The following LIMS1 variants were observed in gnomAD, a reference collection of about 807,000 sequenced individuals.
The protein encoded by LIMS1 is LIM zinc finger domain containing 1, also known as LIM and senescent cell antigen-like-containing domain protein 1.
LIMS1 carries 18 observed loss-of-function variants against 44.1 expected under a neutral mutation model. The observed-to-expected ratio is 0.41, with a 90% CI of 0.28 to 0.61. The LOEUF (loss-of-function observed/expected upper bound fraction) is 0.61. Among genes scored for constraint, LIMS1 ranks in the 20% least tolerant of loss-of-function variants. The pLI is 0.32. For synonymous variants in LIMS1, 93 were observed against 149.1 expected (o/e 0.62, Z 2.74); for missense variants, 201 against 422.0 (o/e 0.48, Z 4.59).
chr2:108,642,224 G>C (rs1279143054), intron 1 of LIMS1, among the ~76,000 whole-genome samples: 11 of 151,906 alleles, frequency 7.2e-5, no homozygotes, highest in Admixed American at 7.2e-4. Context: ...CTGTATTTTA[G>C]AGGCAATTGG....
At chr2:108,545,348 T>A (rs1558781224) in intron 1 of LIMS1, among the ~76,000 whole-genome samples, 1 of 152,084 alleles carries the variant, frequency 6.6e-6, no homozygotes, top group African/African-American at 2.4e-5. Flanking sequence ...ATTCTCCTGC[T>A]TCAGCCTCCC....
intron 1 of LIMS1, among the ~76,000 whole-genome samples, chr2:108,586,559 G>T (rs3806528): frequency 0.069 from 10,470 of 152,264 alleles, 478 homozygotes; most frequent in Non-Finnish European, 0.078. Context: ...CTTCAAGCAT[G>T]GTACGTCCTT....
intron 1 of LIMS1, chr2:108,654,956 C>G (rs1347833201): frequency 6.6e-7 from 1 of 1,513,546 alleles, no homozygotes; most frequent in Admixed American, 2.2e-5. Flanking sequence ...GCCAGGCTGA[C>G]GTGCGTGGGA....
At chr2:108,651,406 C>G (rs1690475791) in intron 1 of LIMS1, among the ~76,000 whole-genome samples, 1 of 152,224 alleles carries the variant, frequency 6.6e-6, no homozygotes, top group Non-Finnish European at 1.5e-5. Context: ...CTCCCAACTC[C>G]CAGTAGGATA....
chr2:108,654,140 G>A (rs1369901389), intron 1 of LIMS1, among the ~76,000 whole-genome samples: 1 of 151,570 alleles, frequency 6.6e-6, no homozygotes, highest in Non-Finnish European at 1.5e-5. Flanking sequence ...TAAAACAGGA[G>A]GCAAGTTTGC....
chr2:108,550,495 T>C (rs1225826107), intron 1 of LIMS1, among the ~76,000 whole-genome samples: 1 of 146,862 alleles, frequency 6.8e-6, no homozygotes, highest in Non-Finnish European at 1.5e-5. Flanking sequence ...CGAGACTCCA[T>C]CTCAAAAAAA....
Position 108,625,457 on chromosome 2 carries a change from T to C in LIMS1, c.33-34148T>C, listed in dbSNP as rs1403565876. 3.9e-5 allele frequency among the ~76,000 whole-genome samples: 6 copies of C among 152,264 alleles called. No individual in the cohort carries two copies. The East Asian group carries it at 1.2e-3, about 29-fold the overall frequency. ...GTGCTGAGATAAGAACTCCTAGAGC[T>C]TTCCCTTTTCCCTGTTCCTTCGGCC... On this transcript the variant is annotated intron_variant, in intron 1 of 9. Coordinates refer to ENST00000544547, the Ensembl canonical transcript of LIMS1.
intron 2 of LIMS1, chr2:108,662,348 T>A: frequency 6.2e-7 from 1 of 1,608,642 alleles, no homozygotes; most frequent in Non-Finnish European, 8.5e-7. Flanking sequence ...AGGGAAAAGC[T>A]CAGAACAGCC....
chr2:108,642,194 G>A (rs528986512), intron 1 of LIMS1, among the ~76,000 whole-genome samples: 2 of 152,142 alleles, frequency 1.3e-5, no homozygotes, highest in Non-Finnish European at 2.9e-5. Context: ...TAAGCACTCC[G>A]CTTTTTCTAT....
intron 1 of LIMS1, among the ~76,000 whole-genome samples, chr2:108,536,817 C>G (rs1477180608): frequency 6.6e-6 from 1 of 152,134 alleles, no homozygotes; most frequent in African/African-American, 2.4e-5. Flanking sequence ...TCCCAAACTC[C>G]TGGGTTCCAG....
chr2:108,534,310 G>GCGCCCTTCGGCGCCCGCCCCGCCAGTCCC (rs1684034092), upstream of LIMS1: 2 of 145,678 alleles, frequency 1.4e-5, no homozygotes, highest in Non-Finnish European at 2.8e-5. Flanking sequence ...TCTCCAGTCC[G>GCGCCCTTCGGCGCCCGCCCCGCCAGTCCC]CGCCCTTCGG....
chr2:108,680,858 G>A, intron 9 of LIMS1, 88 bp downstream of exon 9: 1 of 1,547,376 alleles, frequency 6.5e-7, no homozygotes, highest in South Asian at 1.2e-5. Context: ...TAGAAAAAGA[G>A]AATTATTTGA....
At chr2:108,581,951 A>C (rs992719093) in intron 1 of LIMS1, among the ~76,000 whole-genome samples, 3 of 150,622 alleles carry the variant, frequency 2.0e-5, no homozygotes, top group Non-Finnish European at 1.5e-5. Flanking sequence ...AAAAAAAAAA[A>C]CAAACAAAAA....
intron 1 of LIMS1, among the ~76,000 whole-genome samples, chr2:108,541,377 A>G (rs1558779581): frequency 6.6e-6 from 1 of 152,264 alleles, no homozygotes; most frequent in Non-Finnish European, 1.5e-5. Flanking sequence ...GACATTGGGT[A>G]GGCAGTTGCA....
At chr2:108,608,399 G>A (rs1252097242) in intron 1 of LIMS1, among the ~76,000 whole-genome samples, 3 of 150,600 alleles carry the variant, frequency 2.0e-5, no homozygotes, top group East Asian at 2.0e-4. Flanking sequence ...TCCGCCTCCC[G>A]GGTTCAAGCT....
intron 3 of LIMS1, among the ~76,000 whole-genome samples, 170 bp from the exon 4 acceptor site, chr2:108,672,155 G>A (rs1264393498): frequency 8.2e-5 from 8 of 97,624 alleles, no homozygotes; most frequent in South Asian, 3.9e-4. Context: ...CAACAAGAGC[G>A]AAACTGTCTC....
chr2:108,634,447 G>A (rs1573506478), intron 1 of LIMS1, among the ~76,000 whole-genome samples: 1 of 152,186 alleles, frequency 6.6e-6, no homozygotes, highest in East Asian at 1.9e-4. Flanking sequence ...TACATTTTAG[G>A]TTTTTCTCAA....
At chr2:108,586,548 C>T (rs1053650884) in intron 1 of LIMS1, among the ~76,000 whole-genome samples, 2 of 152,190 alleles carry the variant, frequency 1.3e-5, no homozygotes, top group African/African-American at 4.8e-5. Context: ...TACGAGAAGA[C>T]CTTCAAGCAT....
chr2:108,640,399 A>T (rs1689590134), intron 1 of LIMS1, among the ~76,000 whole-genome samples: 1 of 152,226 alleles, frequency 6.6e-6, no homozygotes, highest in African/African-American at 2.4e-5. Flanking sequence ...GTTAGGATTG[A>T]GTAACTGACC....
Sources: gnomAD v4.1 joint callset for allele counts (sites outside exome capture counted in the v4.1 genomes callset) on GRCh38, gnomAD v4.1.1 for gene constraint, MANE v1.5 for transcripts, NCBI Gene and HGNC (gene_info 2026-07-23, HGNC 2026-07-21) for gene names.